The following TRPC4 variants were observed in gnomAD, a reference collection of about 807,000 sequenced individuals.
The protein encoded by TRPC4 is transient receptor potential cation channel subfamily C member 4.
A neutral mutation model predicts 99.4 loss-of-function variants in TRPC4; 49 were observed. The ratio of observed to expected loss-of-function variants is 0.49; its 90% CI spans 0.39 to 0.63. The LOEUF is 0.63. TRPC4 is among the 20% of genes least tolerant of loss of function. The pLI is 0.00. For missense variants in TRPC4, 898 were observed against 1,152.9 expected, an observed-to-expected ratio of 0.78 and a Z score of 3.20; for synonymous variants, 454 against 425.9, an observed-to-expected ratio of 1.07 and a Z score of -0.81.
rs755069456 is a variant in TRPC4, at chr13:37,680,503, G to A, written c.1235-6136C>T. Among the ~76,000 whole-genome samples, 3 of 152,142 alleles carry A rather than the reference G, an allele frequency of 2.0e-5. No homozygotes were observed. The East Asian group carries it at 5.8e-4, about 29-fold the overall frequency. On this transcript the variant is annotated intron_variant, in intron 4 of 10. Coordinates refer to ENST00000379705, the MANE Select transcript of TRPC4 (RefSeq NM_016179.4). The stretch of plus-strand genomic sequence containing the variant: ...TATCCTAACTGCATAAATTGCCAAC[G>A]ATTGCTTCTTCCTATTAGGATTGTG...
intron 1 of TRPC4, among the ~76,000 whole-genome samples, chr13:37,868,308 A>C (rs1049022796): frequency 1.1e-4 from 17 of 151,628 alleles, no homozygotes; most frequent in African/African-American, 3.6e-4. Context: ...TTCCCCCCTT[A>C]AACATTTAAG....
intron 4 of TRPC4, among the ~76,000 whole-genome samples, chr13:37,688,387 G>A (rs909704395): frequency 6.6e-6 from 1 of 152,054 alleles, no homozygotes; most frequent in Non-Finnish European, 1.5e-5. Flanking sequence ...GGTTCTATGA[G>A]GCTGAATACA....
chr13:37,733,936 C>A (rs753442014), intron 3 of TRPC4, among the ~76,000 whole-genome samples: 8 of 151,888 alleles, frequency 5.3e-5, no homozygotes, highest in African/African-American at 1.7e-4. Flanking sequence ...AAAAGGATAC[C>A]AATGAGATCA....
chr13:37,731,280 A>G (rs1323815837), intron 3 of TRPC4, among the ~76,000 whole-genome samples: 1 of 152,014 alleles, frequency 6.6e-6, no homozygotes, highest in African/African-American at 2.4e-5. Flanking sequence ...CTGAAAACGG[A>G]TGGCCAAGAT....
intron 1 of TRPC4, among the ~76,000 whole-genome samples, chr13:37,798,747 T>C (rs1957318129): frequency 6.6e-6 from 1 of 152,166 alleles, no homozygotes; most frequent in Non-Finnish European, 1.5e-5. Flanking sequence ...TATATAAGTG[T>C]TTGGAAGTAA....
chr13:37,742,094 C>G (rs1168997000), intron 3 of TRPC4, among the ~76,000 whole-genome samples: 2 of 152,094 alleles, frequency 1.3e-5, no homozygotes, highest in South Asian at 2.1e-4. Context: ...ACAATTGCAG[C>G]ATCATTAGCC....
At chr13:37,664,924 T>C (rs533136595) in intron 5 of TRPC4, among the ~76,000 whole-genome samples, 1 of 152,326 alleles carries the variant, frequency 6.6e-6, no homozygotes, top group African/African-American at 2.4e-5. Context: ...AGACTCTTGC[T>C]TGACTGGCAG....
chr13:37,823,650 T>G lies in TRPC4; in HGVS notation c.-27-40290A>C, dbSNP rs981897712. 3.0e-3 allele frequency among the ~76,000 whole-genome samples: 448 copies of G among 151,022 alleles called. 1 individual carries two copies. Among genetic ancestry groups the G allele is most frequent in the Middle Eastern group, 0.014 (4 of 290 alleles). ...ATCTATATCTCTGTTTTGGTACCAG[T>G]ACCATGCTGTTTTGGTTACTGTAGC... On this transcript the variant is annotated intron_variant, in intron 1 of 10. Coordinates refer to ENST00000379705, the MANE Select transcript of TRPC4 (RefSeq NM_016179.4).
At chr13:37,731,304 A>G (rs185743152) in intron 3 of TRPC4, among the ~76,000 whole-genome samples, 97 of 152,098 alleles carry the variant, frequency 6.4e-4, no homozygotes, top group Non-Finnish European at 1.3e-3. Context: ...AAAACACTCA[A>G]TTCACACAGT....
intron 1 of TRPC4, among the ~76,000 whole-genome samples, chr13:37,828,777 A>G (rs959976649): frequency 1.3e-5 from 2 of 152,214 alleles, no homozygotes; most frequent in African/African-American, 4.8e-5. Context: ...GTGGGAGCTA[A>G]GCATGGAGTA....
chr13:37,810,307 G>A lies in TRPC4; in HGVS notation c.-27-26947C>T, dbSNP rs187052539. Among the ~76,000 whole-genome samples, 210 of 152,008 alleles carry A rather than the reference G, an allele frequency of 1.4e-3. 1 individual carries two copies. The highest frequency in any genetic ancestry group is 4.9e-3 in the African/African-American group (204 of 41,498). On this transcript the variant is annotated intron_variant, in intron 1 of 10. Coordinates refer to ENST00000379705, the MANE Select transcript of TRPC4 (RefSeq NM_016179.4). ...ACACAGCCAAAATTATATTGAAGTT[G>A]TGTATTTTAATAATCCTTTTCTATA...
intron 5 of TRPC4, among the ~76,000 whole-genome samples, chr13:37,670,673 C>T (rs895792101): frequency 6.6e-6 from 1 of 152,178 alleles, no homozygotes; most frequent in Non-Finnish European, 1.5e-5. Flanking sequence ...CAATCATCAT[C>T]ATTTGAACCA....
intron 1 of TRPC4, among the ~76,000 whole-genome samples, chr13:37,792,124 G>A (rs1347715944): frequency 3.9e-5 from 6 of 152,128 alleles, no homozygotes. Flanking sequence ...TGGAAACTAA[G>A]AGACCATCTG....
intron 2 of TRPC4, among the ~76,000 whole-genome samples, chr13:37,755,874 G>A (rs1253413927): frequency 1.3e-5 from 2 of 152,018 alleles, no homozygotes; most frequent in Non-Finnish European, 2.9e-5. Flanking sequence ...AAAGGTGTTT[G>A]TTTTTTCAAG....
chr13:37,785,714 A>G (rs1242197989), intron 1 of TRPC4, among the ~76,000 whole-genome samples: 2 of 152,076 alleles, frequency 1.3e-5, no homozygotes, highest in African/African-American at 2.4e-5. Flanking sequence ...TCATTTAGTT[A>G]ATTTTATTAA....
At chr13:37,638,801 A>T (rs896998978) in intron 10 of TRPC4, among the ~76,000 whole-genome samples, 1 of 152,196 alleles carries the variant, frequency 6.6e-6, no homozygotes, top group African/African-American at 2.4e-5. Context: ...GGTAAGTCAG[A>T]ATGCCATTAA....
chr13:37,700,707 G>A (rs1031926262), intron 3 of TRPC4, among the ~76,000 whole-genome samples: 1 of 152,068 alleles, frequency 6.6e-6, no homozygotes, highest in Non-Finnish European at 1.5e-5. Flanking sequence ...ATCAAAAGTT[G>A]ATATCACAGA....
intron 3 of TRPC4, among the ~76,000 whole-genome samples, chr13:37,720,995 G>A (rs1954849258): frequency 6.6e-6 from 1 of 152,138 alleles, no homozygotes; most frequent in Non-Finnish European, 1.5e-5. Context: ...GGAAGAATTT[G>A]AAGAAAAGAA....
intron 1 of TRPC4, among the ~76,000 whole-genome samples, chr13:37,834,962 T>A (rs1338780183): frequency 6.6e-6 from 1 of 152,078 alleles, no homozygotes; most frequent in African/African-American, 2.4e-5. Context: ...CTTGAACTCC[T>A]GGCCTCAAGT....
Sources: gnomAD v4.1 joint callset for allele counts (sites outside exome capture counted in the v4.1 genomes callset) on GRCh38, gnomAD v4.1.1 for gene constraint, MANE v1.5 for transcripts, NCBI Gene and HGNC (gene_info 2026-07-23, HGNC 2026-07-21) for gene names.